GRM5: variants seen among roughly 807,000 people sequenced by gnomAD.
GRM5 encodes metabotropic glutamate receptor 5.
A neutral mutation model predicts 83.1 loss-of-function variants in GRM5; 19 were observed. The observed-to-expected ratio is 0.23, with a 90% CI of 0.16 to 0.34. GRM5 has a LOEUF of 0.34. Ranked by LOEUF, GRM5 falls within the 10% of genes least tolerant of loss-of-function variation. GRM5 has a pLI of 1.00. For missense variants in GRM5, 1,160 were observed against 1,588.3 expected (o/e 0.73, Z 4.58); for synonymous variants, 675 against 633.6 (o/e 1.07, Z -0.98).
intron 2 of GRM5, among the ~76,000 whole-genome samples, chr11:88,869,780 A>G (rs1944732140): frequency 6.6e-6 from 1 of 151,546 alleles, no homozygotes; most frequent in Admixed American, 6.6e-5. Context: ...TTCCAACCTC[A>G]TGAAGAAATG....
intron 4 of GRM5, 66 bp from the exon 5 acceptor site, chr11:88,605,030 T>G: frequency 7.6e-7 from 1 of 1,312,080 alleles, no homozygotes; most frequent in Non-Finnish European, 1.1e-6. Flanking sequence ...TCCTGGGTAC[T>G]GAATAATGGG....
At chr11:88,702,094 G>A (rs1024942115) in intron 3 of GRM5, among the ~76,000 whole-genome samples, 3 of 151,904 alleles carry the variant, frequency 2.0e-5, no homozygotes, top group Non-Finnish European at 2.9e-5. Context: ...CTGCTGTCCC[G>A]TTAGCCAAGG....
chr11:88,528,675 G>C (rs1941936787), intron 8 of GRM5, among the ~76,000 whole-genome samples: 1 of 151,948 alleles, frequency 6.6e-6, no homozygotes, highest in Non-Finnish European at 1.5e-5. Flanking sequence ...CAAGTGCTTT[G>C]CAAGTATTAA....
chr11:88,970,933 C>T (rs1939148340), intron 2 of GRM5, among the ~76,000 whole-genome samples: 1 of 152,230 alleles, frequency 6.6e-6, no homozygotes, highest in African/African-American at 2.4e-5. Context: ...TTACCTTCTT[C>T]CTTTCCCTAC....
At chr11:88,526,728 A>T (rs933929129) in intron 8 of GRM5, among the ~76,000 whole-genome samples, 10 of 152,026 alleles carry the variant, frequency 6.6e-5, no homozygotes, top group African/African-American at 2.4e-4. Context: ...CTTCCTCTTA[A>T]TTTTTTTTCC....
At chr11:88,964,320 C>G (rs1938878821) in intron 2 of GRM5, among the ~76,000 whole-genome samples, 1 of 151,788 alleles carries the variant, frequency 6.6e-6, no homozygotes, top group East Asian at 1.9e-4. Flanking sequence ...CAAAAGATAG[C>G]CTTCATTTTA....
chr11:89,002,532 G>A (rs1940413471), intron 2 of GRM5, among the ~76,000 whole-genome samples: 1 of 152,138 alleles, frequency 6.6e-6, no homozygotes, highest in South Asian at 2.1e-4. Flanking sequence ...TTGGCAACCT[G>A]TCATTCAAGT....
At chr11:88,604,573 A>G (rs1222714233) in intron 5 of GRM5, 145 bp downstream of exon 5, 3 of 697,352 alleles carry the variant, frequency 4.3e-6, no homozygotes, top group East Asian at 5.3e-5. Flanking sequence ...TCTTCTCTCT[A>G]TCTTTGCTCA....
chr11:88,607,669 C>T (rs1938194732), intron 4 of GRM5, among the ~76,000 whole-genome samples: 1 of 152,204 alleles, frequency 6.6e-6, no homozygotes, highest in Non-Finnish European at 1.5e-5. Context: ...ATTCCTTTGA[C>T]TCAATCTCTT....
intron 2 of GRM5, among the ~76,000 whole-genome samples, chr11:89,007,554 G>A (rs2135082318): frequency 6.6e-6 from 1 of 152,334 alleles, no homozygotes; most frequent in East Asian, 1.9e-4. Flanking sequence ...AGGGAGAAAA[G>A]TGATGCTGGG....
chr11:88,785,032 A>G (rs549146807), intron 3 of GRM5, among the ~76,000 whole-genome samples: 40 of 152,190 alleles, frequency 2.6e-4, no homozygotes, highest in Non-Finnish European at 4.1e-4. Flanking sequence ...TTAGCACACT[A>G]TGTTAACGAA....
At position 88,800,570 on chromosome 11, in the gene GRM5, C is replaced by T. The variant is rs139999514; in HGVS notation, c.911+49336G>A. Among the ~76,000 whole-genome samples the T allele has an allele frequency of 7.9e-5, 12 of 152,198 alleles. No homozygotes were observed. The South Asian group carries it at 8.3e-4, about 11-fold the overall frequency. ...TGCATTGCACAAAATATAGCAGGTA[C>T]TCAGCAAATATTTCATAAATGAATG... On this transcript the variant is annotated intron_variant, in intron 3 of 9. Coordinates refer to ENST00000305447, the MANE Select transcript of GRM5 (RefSeq NM_001143831.3).
intron 8 of GRM5, among the ~76,000 whole-genome samples, chr11:88,554,359 A>G (rs1942578491): frequency 6.6e-6 from 1 of 152,046 alleles, no homozygotes; most frequent in South Asian, 2.1e-4. Flanking sequence ...TCCTTAACAT[A>G]ATTGCACCTG....
Position 88,762,022 on chromosome 11 carries a change from C to G in GRM5, c.911+87884G>C, listed in dbSNP as rs58069068. On this transcript the variant is annotated intron_variant, in intron 3 of 9. Transcript: ENST00000305447. ...GAAGATTCAAACTGTTCCCCTTTCTCAAGCCATATACAAAAATCAACTCAA... is the reference window on the plus strand; with the variant it reads ...GAAGATTCAAACTGTTCCCCTTTCTGAAGCCATATACAAAAATCAACTCAA... Among the ~76,000 whole-genome samples, 1,496 of 152,090 alleles carry G rather than the reference C, an allele frequency of 9.8e-3. 25 individuals carry two copies. The highest frequency in any genetic ancestry group is 0.035 in the African/African-American group (1,439 of 41,526).
At chr11:88,676,332 T>C (rs1940326894) in intron 3 of GRM5, among the ~76,000 whole-genome samples, 1 of 151,944 alleles carries the variant, frequency 6.6e-6, no homozygotes, top group Non-Finnish European at 1.5e-5. Flanking sequence ...GTAACAAATA[T>C]TTATTAGGCA....
intron 4 of GRM5, among the ~76,000 whole-genome samples, chr11:88,635,318 C>A (rs964820236): frequency 5.3e-5 from 8 of 152,142 alleles, no homozygotes; most frequent in African/African-American, 1.9e-4. Context: ...TTTCTCTACA[C>A]CCTTGCCAAC....
intron 3 of GRM5, among the ~76,000 whole-genome samples, chr11:88,827,463 G>A (rs1943911965): frequency 6.6e-6 from 1 of 152,184 alleles, no homozygotes; most frequent in African/African-American, 2.4e-5. Context: ...TTCTTGCTAT[G>A]TAAACTTTGC....
chr11:88,889,784 G>A (rs1027681040), intron 2 of GRM5, among the ~76,000 whole-genome samples: 85 of 152,240 alleles, frequency 5.6e-4, no homozygotes, highest in African/African-American at 1.9e-3. Flanking sequence ...GAGGCCCTAA[G>A]ATAACTTCTG....
At chr11:88,823,934 C>CA (rs1943847428) in intron 3 of GRM5, among the ~76,000 whole-genome samples, 1 of 151,934 alleles carries the variant, frequency 6.6e-6, no homozygotes, top group East Asian at 1.9e-4. Context: ...TTTTATTATT[C>CA]TTGCTTCTTT....
Sources: gnomAD v4.1 joint callset for allele counts (sites outside exome capture counted in the v4.1 genomes callset) on GRCh38, gnomAD v4.1.1 for gene constraint, MANE v1.5 for transcripts, NCBI Gene and HGNC (gene_info 2026-07-23, HGNC 2026-07-21) for gene names.